Variants in CCSAP observed in about 807,000 individuals in gnomAD.
CCSAP encodes centriole, cilia and spindle-associated protein.
CCSAP carries 17 observed loss-of-function variants against 25.9 expected under a neutral mutation model. That is an observed-to-expected ratio of 0.66 (90% CI 0.45 to 0.99). The LOEUF is 0.99. Among genes scored for constraint, CCSAP ranks in the 50% least tolerant of loss-of-function variants. The pLI is 0.00. For missense variants in CCSAP, 339 were observed against 367.8 expected (o/e 0.92, Z 0.64); for synonymous variants, 169 against 157.1 (o/e 1.08, Z -0.57).
chr1:229,333,175 A>C (rs12045205), intron 2 of CCSAP, among the ~76,000 whole-genome samples: 2 of 152,060 alleles, frequency 1.3e-5, no homozygotes, highest in Non-Finnish European at 2.9e-5. Context: ...GCTCACGCCT[A>C]TAATCCCAGC....
rs963093784 is a variant in CCSAP, at chr1:229,325,081, A to T, written c.*154T>A. 4.3e-6 allele frequency: 3 copies of T among 705,784 alleles called. No individual in the cohort carries two copies. In the African/African-American group the frequency reaches 5.4e-5, roughly 13 times the overall value. 43.7% of individuals were successfully genotyped at this position (705,784 alleles called of 1,614,324 possible). A position where few individuals can be genotyped will look rare whatever the true frequency, so the allele number is the denominator to read the frequency against. On this transcript the variant is annotated 3_prime_UTR_variant, in exon 4 of 4. Coordinates refer to ENST00000284617, the MANE Select transcript of CCSAP (RefSeq NM_145257.5). ...CCGAGGTAGGTGACCAATATTCATC[A>T]AAATAAAACAATCTTTTACAAATTC...
chr1:229,328,035 A>G (rs2102692306), intron 2 of CCSAP, among the ~76,000 whole-genome samples: 1 of 152,328 alleles, frequency 6.6e-6, no homozygotes, highest in Middle Eastern at 3.4e-3. Context: ...CTCAGATAGC[A>G]AGGATGTACT....
At chr1:229,335,256 C>T (rs1054967955) in intron 2 of CCSAP, among the ~76,000 whole-genome samples, 32 of 151,994 alleles carry the variant, frequency 2.1e-4, no homozygotes, top group African/African-American at 7.5e-4. Flanking sequence ...GAGGTCAATG[C>T]TACAGAGAGC....
At chr1:229,337,680 T>A (rs4925470) in intron 2 of CCSAP, among the ~76,000 whole-genome samples, 14,649 of 44,108 alleles carry the variant, frequency 0.33, 2,290 homozygotes, top group African/African-American at 0.45. Context: ...CAAAAAAAAA[T>A]ATATATATAT....
intron 2 of CCSAP, among the ~76,000 whole-genome samples, chr1:229,329,599 G>A (rs535253385): frequency 1.3e-5 from 2 of 152,312 alleles, no homozygotes; most frequent in African/African-American, 2.4e-5. Context: ...AGCTCCACAC[G>A]TGGAAGATGG....
chr1:229,341,193 C>CAAAAAAAAAAAAA (rs71561730), intron 2 of CCSAP, among the ~76,000 whole-genome samples: 39 of 91,104 alleles, frequency 4.3e-4, no homozygotes, highest in African/African-American at 1.7e-3. Context: ...GACTCCGTCT[C>CAAAAAAAAAAAAA]AAAAAAAAAA....
In CCSAP at chr1:229,326,889, C is replaced by G. The variant is rs1657953142; in HGVS notation, c.485G>C (p.Gly162Ala). Residue 162 changes from glycine (G) to alanine (A), a missense_variant, in exon 3 of 4, where the codon GGA becomes GCA. Transcript: ENST00000284617. ...GGGACTTTTGACCGCTTTCCTGTTTCCTCTAGCAAATAAGGCACTTGGTTG... is the reference window on the plus strand; with the variant it reads ...GGGACTTTTGACCGCTTTCCTGTTTGCTCTAGCAAATAAGGCACTTGGTTG... ...RQQPSALFAR[G>A]NRKAVKSPQR... 5 of 1,614,186 alleles carry G rather than the reference C, an allele frequency of 3.1e-6. No homozygotes were observed. Among genetic ancestry groups the G allele is most frequent in the Non-Finnish European group, 4.2e-6 (5 of 1,180,042 alleles).
In CCSAP at chr1:229,325,206, T is replaced by A. The variant is rs749896092; in HGVS notation, c.*29A>T. ...TTTCCTTTCAGTCATTTACACTTTT[T>A]AAAAGAGGCTGTCCACGCAAGTGTT... On this transcript the variant is annotated 3_prime_UTR_variant, in exon 4 of 4. Transcript: ENST00000284617. 1 of 1,553,428 alleles carries A rather than the reference T, an allele frequency of 6.4e-7. No homozygotes were observed.
intron 2 of CCSAP, among the ~76,000 whole-genome samples, chr1:229,339,153 A>T (rs1399569365): frequency 6.6e-6 from 1 of 152,094 alleles, no homozygotes; most frequent in East Asian, 1.9e-4. Flanking sequence ...GGAATTAAAA[A>T]CATGAGTTTG....
rs55718200 is a variant in CCSAP at position 229,338,538 on chromosome 1, AACACACACACACAC to A, written c.367+3547_367+3560del. Among the ~76,000 whole-genome samples, 11 of 141,906 alleles carry A rather than the reference AACACACACACACAC, an allele frequency of 7.8e-5. No individual in the cohort carries two copies. The East Asian group carries it at 1.5e-3, about 19-fold the overall frequency. 93.1% of individuals were successfully genotyped at this position (141,906 alleles called of 152,430 possible). On this transcript the variant is annotated intron_variant, in intron 2 of 3. Coordinates refer to ENST00000284617, the MANE Select transcript of CCSAP (RefSeq NM_145257.5). ...ACAAGCACTTCCACCCCCAAACCCC[AACACACACACACAC>A]ACACACACACACACACACACACAGA...
At chr1:229,330,933 T>A (rs1363932006) in intron 2 of CCSAP, among the ~76,000 whole-genome samples, 1 of 151,562 alleles carries the variant, frequency 6.6e-6, no homozygotes. Flanking sequence ...AGCTCGGTGG[T>A]CACTGGTGCC....
chr1:229,326,969 T>C lies in CCSAP; in HGVS notation c.405A>G (p.Gln135=), dbSNP rs1333527457. The change falls in exon 3 of 4, where the codon CAA becomes CAG. Residue 135 remains glutamine (Q), a synonymous_variant. Transcript: ENST00000284617. ...PVKDVEDKPE[Q]QTRTRETDKS... is the part of the protein sequence containing the mutation. ...TGTCAGTCTCTCTTGTTCTGGTTTG[T>C]TGTTCAGGTTTATCTTCTACATCTT... 5 of 1,613,896 alleles carry C rather than the reference T, an allele frequency of 3.1e-6. No homozygotes were observed. Among genetic ancestry groups the C allele is most frequent in the Non-Finnish European group, 4.2e-6 (5 of 1,179,920 alleles).
chr1:229,330,569 G>A (rs1379951441), intron 2 of CCSAP, among the ~76,000 whole-genome samples: 3 of 152,340 alleles, frequency 2.0e-5, no homozygotes, highest in East Asian at 3.9e-4. Context: ...CAGGCCGGGC[G>A]CGGTGGCTCA....
At chr1:229,330,845 A>C (rs72749842) in intron 2 of CCSAP, among the ~76,000 whole-genome samples, 27,614 of 151,136 alleles carry the variant, frequency 0.18, 2,583 homozygotes, top group Non-Finnish European at 0.21. Context: ...AAAAAAAAAA[A>C]AAAAAAGAAA....
chr1:229,333,388 G>C lies in CCSAP; in HGVS notation c.368-6382C>G, dbSNP rs569367493. ...GCGGAGCTTGCAGTGAGCCGAGATC[G>C]CGCCACTGCACTCCAGCCTGGGCGA... On this transcript the variant is annotated intron_variant, in intron 2 of 3. Transcript: ENST00000284617. Among the ~76,000 whole-genome samples, 5 of 137,838 alleles carry C rather than the reference G, an allele frequency of 3.6e-5. No individual in the cohort carries two copies. In the South Asian group the frequency reaches 7.1e-4, roughly 19 times the overall value. The allele number at this position is 137,838 out of a possible 152,430, so 90.4% of individuals were successfully genotyped here.
intron 2 of CCSAP, among the ~76,000 whole-genome samples, chr1:229,335,509 C>T (rs942132857): frequency 2.6e-5 from 4 of 152,124 alleles, no homozygotes; most frequent in African/African-American, 9.7e-5. Flanking sequence ...CCTGGGCAGA[C>T]TTTTATATTA....
intron 3 of CCSAP, among the ~76,000 whole-genome samples, chr1:229,325,788 G>T (rs1386236016): frequency 1.3e-5 from 2 of 152,178 alleles, no homozygotes; most frequent in Non-Finnish European, 2.9e-5. Flanking sequence ...GAAAATAAAA[G>T]AACTTTAAAT....
Position 229,325,188 on chromosome 1 carries a change from T to C in CCSAP, c.*47A>G. 6.6e-7 allele frequency: 1 copy of C among 1,506,692 alleles called. No individual in the cohort carries two copies. Among genetic ancestry groups the C allele is most frequent in the Non-Finnish European group, 8.9e-7 (1 of 1,125,160 alleles). 93.3% of individuals were successfully genotyped at this position (1,506,692 alleles called of 1,614,324 possible). On this transcript the variant is annotated 3_prime_UTR_variant, in exon 4 of 4. Coordinates refer to ENST00000284617, the MANE Select transcript of CCSAP (RefSeq NM_145257.5). ...GATGGTTTTTGTTTTGTTTTTCCTTTCAGTCATTTACACTTTTTAAAAGAG... is the reference window on the plus strand; with the variant it reads ...GATGGTTTTTGTTTTGTTTTTCCTTCCAGTCATTTACACTTTTTAAAAGAG...
chr1:229,331,199 A>G (rs755359817), intron 2 of CCSAP, among the ~76,000 whole-genome samples: 1 of 151,764 alleles, frequency 6.6e-6, no homozygotes, highest in Non-Finnish European at 1.5e-5. Context: ...CAACACAAAG[A>G]CCAGTGTGTT....
Sources: gnomAD v4.1 joint callset for allele counts (sites outside exome capture counted in the v4.1 genomes callset) on GRCh38, gnomAD v4.1.1 for gene constraint, MANE v1.5 for transcripts, NCBI Gene and HGNC (gene_info 2026-07-23, HGNC 2026-07-21) for gene names.